Variants in WDFY3 observed in about 807,000 individuals in gnomAD.
The protein encoded by WDFY3 is WD repeat and FYVE domain-containing protein 3.
Under a neutral mutation model 409.6 loss-of-function variants are expected in WDFY3, and 66 were observed. The ratio of observed to expected loss-of-function variants is 0.16; its 90% CI spans 0.13 to 0.20. The LOEUF (loss-of-function observed/expected upper bound fraction) is 0.20. Ranked by LOEUF, WDFY3 falls within the 10% of genes least tolerant of loss-of-function variation. WDFY3 has a pLI of 1.00. For missense variants in WDFY3, 3,031 were observed against 4,298.1 expected (o/e 0.71, Z 8.24); for synonymous variants, 1,521 against 1,537.1 (o/e 0.99, Z 0.25).
At chr4:84,796,019 A>G (rs973404611) in intron 19 of WDFY3, among the ~76,000 whole-genome samples, 4 of 151,886 alleles carry the variant, frequency 2.6e-5, no homozygotes, top group Admixed American at 1.3e-4. Context: ...TAAAACCCAA[A>G]GAGTTTTCAA....
chr4:84,947,517 T>A (rs1473271103), intron 1 of WDFY3, among the ~76,000 whole-genome samples: 2 of 100,846 alleles, frequency 2.0e-5, no homozygotes, highest in African/African-American at 1.0e-4. Flanking sequence ...GTCTCAAAAA[T>A]AATAATAATA....
intron 3 of WDFY3, among the ~76,000 whole-genome samples, chr4:84,891,960 T>A (rs532934791): frequency 6.6e-6 from 1 of 151,570 alleles, no homozygotes; most frequent in South Asian, 2.1e-4. Flanking sequence ...TCTTGGAAGG[T>A]ACAGCACAGA....
intron 36 of WDFY3, among the ~76,000 whole-genome samples, chr4:84,750,670 A>C (rs551132957): frequency 2.0e-5 from 3 of 152,350 alleles, no homozygotes; most frequent in Admixed American, 6.5e-5. Flanking sequence ...CATTGTATTA[A>C]ATTTTCTCTC....
At chr4:84,933,741 A>G (rs1469362260) in intron 1 of WDFY3, among the ~76,000 whole-genome samples, 1 of 151,938 alleles carries the variant, frequency 6.6e-6, no homozygotes, top group African/African-American at 2.4e-5. Flanking sequence ...AATTGTTTTA[A>G]TTTTTAGCTC....
In WDFY3 at chr4:84,821,384, C is replaced by A; in HGVS notation, c.1291G>T (p.Ala431Ser). Reference sequence around the variant, plus strand: ...TCTGGGAGTTTAGAAATCTTCTCTGCAAACTGTGACAATGTGTGCTGTGAC... The same window carrying A: ...TCTGGGAGTTTAGAAATCTTCTCTGAAAACTGTGACAATGTGTGCTGTGAC... ...LESQHTLSQF[A>S]EKISKLPEVQ... The change falls in exon 11 of 68, where the codon GCA becomes TCA. Residue 431 changes from alanine (A) to serine (S), a missense_variant. Physicochemically the swap from Ala to Ser is moderately conservative, Grantham distance 99 (BLOSUM62 1). Coordinates refer to ENST00000295888, the MANE Select transcript of WDFY3 (RefSeq NM_014991.6). The A allele has an allele frequency of 1.2e-6, 2 of 1,613,854 alleles. No individual in the cohort carries two copies. The highest frequency in any genetic ancestry group is 1.7e-6 in the Non-Finnish European group (2 of 1,179,870).
intron 3 of WDFY3, among the ~76,000 whole-genome samples, chr4:84,873,306 G>C (rs888895951): frequency 1.3e-5 from 2 of 152,006 alleles, no homozygotes; most frequent in African/African-American, 4.8e-5. Flanking sequence ...AAATTTAAAA[G>C]AACAGAAATC....
chr4:84,709,252 T>C (rs748806474), intron 52 of WDFY3, 41 bp downstream of exon 52: 1 of 1,565,814 alleles, frequency 6.4e-7, no homozygotes, highest in East Asian at 2.2e-5. Flanking sequence ...TCTACTCTAA[T>C]TACGAACTTC....
rs1729084116 is a variant in WDFY3, at chr4:84,690,529, C to T, written c.9340G>A (p.Ala3114Thr). The T allele has an allele frequency of 6.2e-7, 1 of 1,614,092 alleles. No homozygotes were observed. Among genetic ancestry groups the T allele is most frequent in the Non-Finnish European group, 8.5e-7 (1 of 1,180,002 alleles). The change falls in exon 61 of 68, where the codon GCC (alanine) becomes ACC (threonine). Residue 3114 changes from alanine (A) to threonine (T), a missense_variant. This residue lies in a region of WDFY3 where 152 missense variants were observed against 193.5 expected (regional missense o/e 0.79). Transcript: ENST00000295888. ...VWEMGTSKEK[A>T]KTVTLKQALL... is the part of the protein sequence containing the mutation. Reference sequence around the variant, plus strand: ...ACCTGTTTGAGGGTGACGGTCTTGGCCTTTTCTTTGGAGGTGCCCATCTCC... The same window carrying T: ...ACCTGTTTGAGGGTGACGGTCTTGGTCTTTTCTTTGGAGGTGCCCATCTCC...
In WDFY3 at chr4:84,684,104, C is replaced by G; in HGVS notation, c.9565G>C (p.Gly3189Arg). Residue 3189 changes from glycine (G) to arginine (R), a missense_variant, in exon 63 of 68, where the codon GGC becomes CGC. Coordinates refer to ENST00000295888, the MANE Select transcript of WDFY3 (RefSeq NM_014991.6). ...ATGCTCCACACATGGATATATGTGC[C>G]AGCGCAGGACACAATGTCCCCCTGA... is the stretch of plus-strand genomic sequence containing the variant. ...ELTGDIVSCA[G>R]TYIHVWSING... is the part of the protein sequence containing the mutation. The G allele has an allele frequency of 1.9e-6, 3 of 1,590,850 alleles. No homozygotes were observed. Among genetic ancestry groups the G allele is most frequent in the Non-Finnish European group, 2.6e-6 (3 of 1,161,604 alleles).
chr4:84,880,482 T>C (rs984501260), intron 3 of WDFY3, among the ~76,000 whole-genome samples: 2 of 151,476 alleles, frequency 1.3e-5, no homozygotes, highest in African/African-American at 2.4e-5. Context: ...GGATTGGCAT[T>C]ATCTGGTTGG....
intron 5 of WDFY3, among the ~76,000 whole-genome samples, chr4:84,847,933 GA>G (rs370861367): frequency 6.2e-5 from 9 of 144,370 alleles, no homozygotes; most frequent in East Asian, 6.1e-4. Flanking sequence ...TGTCACAAAT[GA>G]AAAAAAAAAC....
In WDFY3 at chr4:84,894,017, T is replaced by C. The variant is rs553744564; in HGVS notation, c.-32+2894A>G. Among the ~76,000 whole-genome samples, 28 of 151,888 alleles carry C rather than the reference T, an allele frequency of 1.8e-4. 1 individual carries two copies. In the South Asian group the frequency reaches 5.6e-3, roughly 30 times the overall value. ...AAAAAAAAAAATTAGAAAAAGGTAA[T>C]TTAGCACAGAATCAACTTTAAATGT... On this transcript the variant is annotated intron_variant, in intron 3 of 67. Transcript: ENST00000295888.
rs982360113 is a variant in WDFY3 at position 84,905,223 on chromosome 4, C to T, written c.-131-8213G>A. Among the ~76,000 whole-genome samples the T allele has an allele frequency of 7.9e-5, 12 of 152,312 alleles. No individual in the cohort carries two copies. The South Asian group carries it at 2.5e-3, about 32-fold the overall frequency. On this transcript the variant is annotated intron_variant, in intron 2 of 67. Coordinates refer to ENST00000295888, the MANE Select transcript of WDFY3 (RefSeq NM_014991.6). ...TCATGGCGTGTGCCTGTAATCCCAG[C>T]TACCTGGGAGGCCGAGGCAAGAGAA...
chr4:84,940,771 T>TCC (rs2151028459), intron 1 of WDFY3, among the ~76,000 whole-genome samples: 1 of 152,076 alleles, frequency 6.6e-6, no homozygotes, highest in Admixed American at 6.6e-5. Flanking sequence ...TGCAAAAACT[T>TCC]TTAACAAAAT....
intron 1 of WDFY3, among the ~76,000 whole-genome samples, chr4:84,950,790 A>C (rs911600178): frequency 6.6e-6 from 1 of 152,204 alleles, no homozygotes; most frequent in Admixed American, 6.5e-5. Flanking sequence ...ACTCCAACTC[A>C]AAAAAGAAAA....
chr4:84,708,416 C>T (rs1179354715), intron 53 of WDFY3, among the ~76,000 whole-genome samples: 1 of 152,146 alleles, frequency 6.6e-6, no homozygotes, highest in African/African-American at 2.4e-5. Flanking sequence ...GTAAGTGGGT[C>T]AATTATCCAA....
At chr4:84,725,795 A>G (rs546255361) in intron 45 of WDFY3, among the ~76,000 whole-genome samples, 1 of 152,170 alleles carries the variant, frequency 6.6e-6, no homozygotes, top group Non-Finnish European at 1.5e-5. Context: ...CTAAAGTGGA[A>G]AACAAGTGTC....
chr4:84,826,355 A>G (rs779621581), intron 10 of WDFY3, among the ~76,000 whole-genome samples: 10 of 152,164 alleles, frequency 6.6e-5, no homozygotes, highest in African/African-American at 2.2e-4. Context: ...CAAATACTAT[A>G]CCATTTTATA....
At chr4:84,866,534 G>C (rs573412595) in intron 3 of WDFY3, among the ~76,000 whole-genome samples, 1 of 152,354 alleles carries the variant, frequency 6.6e-6, no homozygotes, top group East Asian at 1.9e-4. Flanking sequence ...TGGATGGGCT[G>C]TGGGCCAAGC....
Sources: allele counts gnomAD v4.1 joint callset (sites outside exome capture counted in the v4.1 genomes callset), GRCh38; gene constraint gnomAD v4.1.1; regional missense constraint gnomAD v4.1.1; transcripts MANE v1.5; gene names NCBI Gene and HGNC (gene_info 2026-07-23, HGNC 2026-07-21).